Variants in DAB2 observed in about 807,000 individuals in gnomAD.
DAB2 encodes disabled homolog 2.
A neutral mutation model predicts 71.6 loss-of-function variants in DAB2; 28 were observed. The observed-to-expected ratio is 0.39, with a 90% confidence interval of 0.29 to 0.54. The LOEUF (loss-of-function observed/expected upper bound fraction) is 0.54. Ranked by LOEUF, DAB2 falls within the 20% of genes least tolerant of loss-of-function variation. The probability of loss-of-function intolerance (pLI) is 0.68; values close to 1 mark genes in which losing one functional copy is unlikely to be tolerated. For missense variants in DAB2, 867 were observed against 928.8 expected (o/e 0.93, Z 0.86); for synonymous variants, 345 against 339.7 (o/e 1.02, Z -0.17).
chr5:39,407,831 T>C (rs1462018942), intron 1 of DAB2, among the ~76,000 whole-genome samples: 1 of 152,234 alleles, frequency 6.6e-6, no homozygotes, highest in Non-Finnish European at 1.5e-5. Flanking sequence ...GAAGCATCTG[T>C]GCTATAAACA....
chr5:39,381,722 GA>G, intron 10 of DAB2, 106 bp from the exon 11 acceptor site: 2 of 1,286,422 alleles, frequency 1.6e-6, no homozygotes, highest in Non-Finnish European at 2.1e-6. Context: ...CCACAAAAAG[GA>G]AAACTTTTTT....
chr5:39,381,406 T>C (rs1754976639), intron 11 of DAB2, 48 bp downstream of exon 11: 2 of 1,574,240 alleles, frequency 1.3e-6, no homozygotes, highest in Admixed American at 1.7e-5. Context: ...CATCATTTTA[T>C]GAGCAAAAGC....
chr5:39,399,804 T>G (rs2112076583), intron 1 of DAB2, among the ~76,000 whole-genome samples: 1 of 152,322 alleles, frequency 6.6e-6, no homozygotes, highest in South Asian at 2.1e-4. Context: ...AAATGTCTAG[T>G]GTTTTGAATC....
chr5:39,398,966 G>C (rs891015946), intron 1 of DAB2, among the ~76,000 whole-genome samples: 1 of 152,122 alleles, frequency 6.6e-6, no homozygotes, highest in African/African-American at 2.4e-5. Context: ...ACTTTTAGCA[G>C]GGTTTTTAAT....
chr5:39,373,523 A>G (rs1370437252), intron 14 of DAB2, 98 bp from the exon 15 acceptor site: 2 of 152,254 alleles, frequency 1.3e-5, no homozygotes, highest in Non-Finnish European at 1.5e-5. Context: ...TGTCAGTAAT[A>G]GTATCTCCTA....
intron 1 of DAB2, among the ~76,000 whole-genome samples, chr5:39,403,122 C>T (rs773735558): frequency 7.9e-5 from 12 of 152,118 alleles, no homozygotes; most frequent in Non-Finnish European, 1.3e-4. Context: ...ACTTTAACAA[C>T]GCTTTATCTG....
At chr5:39,384,609 G>A (rs1225432633) in intron 9 of DAB2, among the ~76,000 whole-genome samples, 1 of 152,150 alleles carries the variant, frequency 6.6e-6, no homozygotes, top group Non-Finnish European at 1.5e-5. Context: ...TTTCTCTGGT[G>A]TGTTAATTTT....
intron 1 of DAB2, among the ~76,000 whole-genome samples, chr5:39,394,638 TC>T (rs1330166541): frequency 6.6e-6 from 1 of 152,246 alleles, no homozygotes; most frequent in East Asian, 1.9e-4. Context: ...ATTAGTTTTT[TC>T]TTTAAGCACT....
chr5:39,423,394 C>T (rs967510432), intron 1 of DAB2, among the ~76,000 whole-genome samples: 2 of 2,500 alleles, frequency 8.0e-4, no homozygotes, highest in African/African-American at 9.2e-3. Context: ...TGAGGGCCAT[C>T]TCCCTTCCAA....
At chr5:39,404,941 GAAGTATT>G (rs1264188732) in intron 1 of DAB2, among the ~76,000 whole-genome samples, 1 of 152,236 alleles carries the variant, frequency 6.6e-6, no homozygotes, top group East Asian at 1.9e-4. Flanking sequence ...AAGCTGAACA[GAAGTATT>G]AAGGTTATGA....
chr5:39,373,394 T>C lies in DAB2; in HGVS notation c.*37A>G, dbSNP rs1157772496. On this transcript the variant is annotated 3_prime_UTR_variant, in exon 15 of 15. Coordinates refer to ENST00000320816, the MANE Select transcript of DAB2 (RefSeq NM_001343.4). ...TTTTTGACTACTAAGGCCAACCTTT[T>C]TATTCCTCTGGATGGTCTGCAGACC... is the stretch of plus-strand genomic sequence containing the variant. The C allele has an allele frequency of 6.6e-6, 1 of 152,562 alleles. No homozygotes were observed. The highest frequency in any genetic ancestry group is 2.4e-5 in the African/African-American group (1 of 41,436). The allele number at this position is 152,562 out of a possible 1,614,324, so 9.5% of individuals were successfully genotyped here. A position where few individuals can be genotyped will look rare whatever the true frequency, so the allele number is the denominator to read the frequency against.
intron 8 of DAB2, among the ~76,000 whole-genome samples, 171 bp downstream of exon 8, chr5:39,388,628 T>C (rs1418536878): frequency 6.6e-6 from 1 of 152,240 alleles, no homozygotes; most frequent in African/African-American, 2.4e-5. Context: ...AATCTTTTTT[T>C]GACTACTTTT....
intron 3 of DAB2, 36 bp downstream of exon 3, chr5:39,393,218 C>T: frequency 1.2e-6 from 2 of 1,605,118 alleles, no homozygotes; most frequent in Admixed American, 1.7e-5. Context: ...TGGACTTTTG[C>T]TTAATATACA....
chr5:39,414,714 A>AAG lies in DAB2; in HGVS notation c.-102+10089_-102+10090insCT, dbSNP rs892987624. ...TATAAATAACCTTAAAGTTAAAAAA[A>AAG]GGGGGGGGGGTGGTCAGAATTGTTT... On this transcript the variant is annotated intron_variant, in intron 1 of 14. Coordinates refer to ENST00000320816, the MANE Select transcript of DAB2 (RefSeq NM_001343.4). Among the ~76,000 whole-genome samples, 15 of 139,782 alleles carry AAG rather than the reference A, an allele frequency of 1.1e-4. 1 individual carries two copies. The highest frequency in any genetic ancestry group is 3.4e-4 in the African/African-American group (13 of 38,682). The allele number at this position is 139,782 out of a possible 152,430, so 91.7% of individuals were successfully genotyped here.
At chr5:39,418,687 T>C (rs1163768130) in intron 1 of DAB2, among the ~76,000 whole-genome samples, 1 of 152,318 alleles carries the variant, frequency 6.6e-6, no homozygotes, top group East Asian at 1.9e-4. Context: ...TCACATTTAA[T>C]AGTTTAAAGA....
intron 1 of DAB2, among the ~76,000 whole-genome samples, chr5:39,421,269 C>T (rs1755978861): frequency 6.6e-6 from 1 of 152,156 alleles, no homozygotes; most frequent in African/African-American, 2.4e-5. Context: ...TTTCCATTTG[C>T]TTTCAGTTTT....
intron 1 of DAB2, among the ~76,000 whole-genome samples, chr5:39,396,376 G>A (rs1755371144): frequency 6.6e-6 from 1 of 152,174 alleles, no homozygotes; most frequent in Admixed American, 6.5e-5. Context: ...AAATACACAT[G>A]TCCATTGCAT....
At position 39,377,058 on chromosome 5, in the gene DAB2, C is replaced by T. The variant is rs376782436; in HGVS notation, c.1729G>A (p.Ala577Thr). 68 of 1,613,988 alleles carry T rather than the reference C, an allele frequency of 4.2e-5. No homozygotes were observed. The highest frequency in any genetic ancestry group is 5.4e-5 in the Non-Finnish European group (64 of 1,180,026). ...PPVPVVWGPS[A>T]SVAPNAWSTT... is the part of the protein sequence containing the mutation. ...GACCAAGCATTGGGTGCCACAGATG[C>T]AGAAGGGCCCCAGACAACAGGCACT... The change falls in exon 12 of 15, where the codon GCA (alanine) becomes ACA (threonine). Residue 577 changes from alanine (A) to threonine (T), a missense_variant. Physicochemically the swap from Ala to Thr is moderately conservative, Grantham distance 58. Transcript: ENST00000320816.
chr5:39,376,142 G>C, intron 12 of DAB2, 36 bp from the exon 13 acceptor site: 1 of 1,544,434 alleles, frequency 6.5e-7, no homozygotes, highest in Non-Finnish European at 8.9e-7. Context: ...CAGTAGACAA[G>C]CTTTCCCCAA....
Sources: allele counts gnomAD v4.1 joint callset (sites outside exome capture counted in the v4.1 genomes callset), GRCh38; gene constraint gnomAD v4.1.1; transcripts MANE v1.5; gene names NCBI Gene and HGNC (gene_info 2026-07-23, HGNC 2026-07-21).